Variants in MCTP1 observed in about 807,000 individuals in gnomAD.
MCTP1 encodes the protein multiple C2 and transmembrane domain-containing protein 1.
Under a neutral mutation model 120.6 loss-of-function variants are expected in MCTP1, and 69 were observed. The observed-to-expected ratio is 0.57, with a 90% CI of 0.47 to 0.70. MCTP1 has a LOEUF of 0.70. Ranked by LOEUF, MCTP1 falls within the 30% of genes least tolerant of loss-of-function variation. MCTP1 has a pLI of 0.00. For synonymous variants in MCTP1, 529 were observed against 493.1 expected (o/e 1.07, Z -0.96); for missense variants, 1,203 against 1,248.8 (o/e 0.96, Z 0.55).
chr5:95,010,652 G>A (rs1197625843), intron 2 of MCTP1, among the ~76,000 whole-genome samples: 1 of 152,162 alleles, frequency 6.6e-6, no homozygotes, highest in Admixed American at 6.6e-5. Flanking sequence ...CTGGATTGGA[G>A]TTGGCATTTT....
intron 1 of MCTP1, among the ~76,000 whole-genome samples, chr5:95,023,671 C>G (rs1406598703): frequency 6.6e-6 from 1 of 152,184 alleles, no homozygotes; most frequent in East Asian, 1.9e-4. Context: ...AGAAGAAAAT[C>G]AGCAGGCTGA....
At chr5:94,863,321 T>C (rs10076079) in intron 17 of MCTP1, among the ~76,000 whole-genome samples, 5,054 of 151,912 alleles carry the variant, frequency 0.033, 291 homozygotes, top group African/African-American at 0.12. Flanking sequence ...TTCTAACGTT[T>C]CTGCTAGCGC....
chr5:95,183,356 C>T (rs1748831728), intron 1 of MCTP1, among the ~76,000 whole-genome samples: 1 of 151,450 alleles, frequency 6.6e-6, no homozygotes, highest in Non-Finnish European at 1.5e-5. Context: ...AAAAATTTTA[C>T]AGCCATGGAG....
chr5:95,145,635 C>T (rs1213603467), intron 1 of MCTP1, among the ~76,000 whole-genome samples: 1 of 152,206 alleles, frequency 6.6e-6, no homozygotes, highest in African/African-American at 2.4e-5. Flanking sequence ...TTTTCCACAT[C>T]TATTAAGATA....
In MCTP1 at chr5:95,227,087, G is replaced by A. The variant is rs964209612; in HGVS notation, c.720+56769C>T. On this transcript the variant is annotated intron_variant, in intron 1 of 22. Coordinates refer to ENST00000515393, the MANE Select transcript of MCTP1 (RefSeq NM_024717.7). ...GGCCCATTAAGCCTTGGAGGCCACC[G>A]AGGCAGAATTTGATTTATTTATTTA... Among the ~76,000 whole-genome samples the A allele has an allele frequency of 3.2e-4, 48 of 152,206 alleles. 1 individual carries two copies. Among genetic ancestry groups the A allele is most frequent in the African/African-American group, 1.0e-3 (43 of 41,518 alleles).
At chr5:95,219,754 C>T (rs1753475630) in intron 1 of MCTP1, among the ~76,000 whole-genome samples, 2 of 152,208 alleles carry the variant, frequency 1.3e-5, no homozygotes, top group African/African-American at 2.4e-5. Context: ...TTCCCAAAAT[C>T]TGCCATCAAT....
intron 19 of MCTP1, among the ~76,000 whole-genome samples, chr5:94,715,138 C>T (rs1758611823): frequency 6.6e-6 from 1 of 151,810 alleles, no homozygotes; most frequent in Admixed American, 6.6e-5. Flanking sequence ...TGCTCTTGCC[C>T]TGATGAGCAG....
rs1754206698 is a variant in MCTP1 at position 94,705,010 on chromosome 5, TTA to T, written c.*2484_*2485del. On this transcript the variant is annotated 3_prime_UTR_variant, in exon 23 of 23. Coordinates refer to ENST00000515393, the MANE Select transcript of MCTP1 (RefSeq NM_024717.7). ...TATCACAACGAATGTCAGTAATAGT[TTA>T]TGAATATAAATAATGACTCAGTGAA... 1.3e-5 allele frequency: 2 copies of T among 151,318 alleles called. No homozygotes were observed. Among genetic ancestry groups the T allele is most frequent in the African/African-American group, 4.8e-5 (2 of 41,312 alleles). 9.4% of individuals were successfully genotyped at this position (151,318 alleles called of 1,614,324 possible).
chr5:94,982,543 T>C (rs1350242884), intron 2 of MCTP1, among the ~76,000 whole-genome samples: 1 of 152,014 alleles, frequency 6.6e-6, no homozygotes, highest in African/African-American at 2.4e-5. Context: ...ATTATGTTAC[T>C]TATATGGCAA....
chr5:94,757,607 C>T (rs1036659385), intron 19 of MCTP1, among the ~76,000 whole-genome samples: 4 of 152,160 alleles, frequency 2.6e-5, no homozygotes, highest in Non-Finnish European at 5.9e-5. Flanking sequence ...TGGAAAGAGA[C>T]AACAGACTTG....
rs1372737229 is a variant in MCTP1 at position 94,961,174 on chromosome 5, A to G, written c.839-7813T>C. Among the ~76,000 whole-genome samples, 4 of 152,030 alleles carry G rather than the reference A, an allele frequency of 2.6e-5. No homozygotes were observed. In the East Asian group the frequency reaches 7.7e-4, roughly 29 times the overall value. ...ATTCTCAGCAAGCTAACACAGGAACAGAAAACCAAATAGTGCATGTTCTCA... is the reference window on the plus strand; with the variant it reads ...ATTCTCAGCAAGCTAACACAGGAACGGAAAACCAAATAGTGCATGTTCTCA... On this transcript the variant is annotated intron_variant, in intron 2 of 22. Coordinates refer to ENST00000515393, the MANE Select transcript of MCTP1 (RefSeq NM_024717.7).
At chr5:94,776,416 C>A (rs956408873) in intron 19 of MCTP1, among the ~76,000 whole-genome samples, 2 of 152,078 alleles carry the variant, frequency 1.3e-5, no homozygotes, top group African/African-American at 2.4e-5. Flanking sequence ...AACAGGTGCT[C>A]TCATTCTGTG....
chr5:94,765,824 A>G (rs1314658305), intron 19 of MCTP1, among the ~76,000 whole-genome samples: 1 of 151,500 alleles, frequency 6.6e-6, no homozygotes, highest in East Asian at 1.9e-4. Context: ...AAGACTAGCC[A>G]AGAGGGGGAA....
At chr5:95,075,201 G>C (rs2152278244) in intron 1 of MCTP1, among the ~76,000 whole-genome samples, 1 of 152,204 alleles carries the variant, frequency 6.6e-6, no homozygotes, top group African/African-American at 2.4e-5. Flanking sequence ...AAATCAAATG[G>C]GTACTTTACA....
At chr5:94,711,346 A>G (rs560573342) in intron 20 of MCTP1, among the ~76,000 whole-genome samples, 74 of 152,232 alleles carry the variant, frequency 4.9e-4, no homozygotes, top group African/African-American at 1.8e-3. Flanking sequence ...CCATATTGGG[A>G]ATAAAATGTT....
chr5:94,714,608 T>G (rs147244061), intron 20 of MCTP1, among the ~76,000 whole-genome samples, 169 bp downstream of exon 20: 1 of 152,198 alleles, frequency 6.6e-6, no homozygotes, highest in East Asian at 1.9e-4. Flanking sequence ...GACAGAACTT[T>G]CATAAAGCCA....
chr5:94,824,000 T>A (rs1395973705), intron 17 of MCTP1, among the ~76,000 whole-genome samples: 1 of 152,230 alleles, frequency 6.6e-6, no homozygotes, highest in Admixed American at 6.5e-5. Flanking sequence ...ACAGAAATAC[T>A]TCGACTTCTT....
At chr5:95,142,699 C>T (rs777707081) in intron 1 of MCTP1, among the ~76,000 whole-genome samples, 8 of 152,092 alleles carry the variant, frequency 5.3e-5, no homozygotes, top group Non-Finnish European at 1.0e-4. Flanking sequence ...TCACCATCTA[C>T]GGGAATAGAA....
chr5:94,852,619 A>T (rs1322609809), intron 17 of MCTP1, among the ~76,000 whole-genome samples: 1 of 152,006 alleles, frequency 6.6e-6, no homozygotes, highest in Non-Finnish European at 1.5e-5. Context: ...CGTAATTTTA[A>T]TGCTCATAGC....
Sources: gnomAD v4.1 joint callset for allele counts (sites outside exome capture counted in the v4.1 genomes callset) on GRCh38, gnomAD v4.1.1 for gene constraint, MANE v1.5 for transcripts, NCBI Gene and HGNC (gene_info 2026-07-23, HGNC 2026-07-21) for gene names.